ROCK2: variants seen among roughly 807,000 people sequenced by gnomAD.
ROCK2 encodes Rho associated coiled-coil containing protein kinase 2.
Under a neutral mutation model 195.1 loss-of-function variants are expected in ROCK2, and 61 were observed. The ratio of observed to expected loss-of-function variants is 0.31; its 90% CI spans 0.25 to 0.39. The LOEUF is 0.39. ROCK2 is among the 10% of genes least tolerant of loss of function. The pLI, the probability that ROCK2 is intolerant of heterozygous loss-of-function variation, is 1.00. For synonymous variants in ROCK2, 504 were observed against 545.5 expected (o/e 0.92, Z 1.06); for missense variants, 1,109 against 1,637.4 (o/e 0.68, Z 5.57).
chr2:11,224,202 T>C, intron 7 of ROCK2, 120 bp downstream of exon 7: 1 of 937,400 alleles, frequency 1.1e-6, no homozygotes, highest in Non-Finnish European at 1.6e-6. Context: ...AACCCAGAAT[T>C]AGATGCTACT....
chr2:11,276,096 C>CA (rs1666817394), intron 3 of ROCK2, among the ~76,000 whole-genome samples: 1 of 152,172 alleles, frequency 6.6e-6, no homozygotes, highest in African/African-American at 2.4e-5. Context: ...GTGAAACACC[C>CA]ACGTGAATAT....
At chr2:11,247,653 T>A (rs1242485622) in intron 4 of ROCK2, among the ~76,000 whole-genome samples, 1 of 152,238 alleles carries the variant, frequency 6.6e-6, no homozygotes, top group African/African-American at 2.4e-5. Context: ...GGCAATCCGC[T>A]ACTATGAAAG....
At chr2:11,271,071 G>A (rs923029293) in intron 3 of ROCK2, among the ~76,000 whole-genome samples, 1 of 152,142 alleles carries the variant, frequency 6.6e-6, no homozygotes, top group African/African-American at 2.4e-5. Context: ...CCTCTATACT[G>A]TGAACTTTAA....
At chr2:11,304,078 T>C (rs1463805415) in intron 1 of ROCK2, among the ~76,000 whole-genome samples, 1 of 152,192 alleles carries the variant, frequency 6.6e-6, no homozygotes, top group African/African-American at 2.4e-5. Context: ...TTGGGCCTCC[T>C]CTCTCAAATT....
chr2:11,256,466 C>T (rs745667806), intron 3 of ROCK2, among the ~76,000 whole-genome samples: 4 of 151,484 alleles, frequency 2.6e-5, no homozygotes, highest in South Asian at 2.1e-4. Flanking sequence ...GCTTCCTGTA[C>T]GGCCTGCAGA....
chr2:11,344,074 C>G lies in ROCK2; in HGVS notation c.63G>C (p.Gly21=). ...PGAPETAPGD[G]AGASRQRKLE... Reference sequence around the variant, plus strand: ...GCTTCCTCTGGCGGCTCGCGCCTGCCCCGTCCCCCGGCGCGGTCTCGGGGG... The same window carrying G: ...GCTTCCTCTGGCGGCTCGCGCCTGCGCCGTCCCCCGGCGCGGTCTCGGGGG... The change falls in exon 1 of 33, where the codon GGG becomes GGC. Residue 21 remains glycine, a synonymous_variant. Coordinates refer to ENST00000315872, the MANE Select transcript of ROCK2 (RefSeq NM_004850.5). This position sits in a 1 kb window ranked among gnomAD's most constrained non-coding sequence, Gnocchi z 5.4. The G allele has an allele frequency of 6.4e-7, 1 of 1,554,924 alleles. No individual in the cohort carries two copies. Among genetic ancestry groups the G allele is most frequent in the Non-Finnish European group, 8.7e-7 (1 of 1,155,636 alleles).
intron 6 of ROCK2, among the ~76,000 whole-genome samples, 180 bp downstream of exon 6, chr2:11,227,074 G>C (rs995549245): frequency 1.3e-5 from 2 of 151,796 alleles, no homozygotes; most frequent in African/African-American, 4.8e-5. Flanking sequence ...CCAGTATCAG[G>C]CTTGGTATTA....
At position 11,341,153 on chromosome 2, in the gene ROCK2, A is replaced by G. The variant is rs149102410; in HGVS notation, c.141+2843T>C. On this transcript the variant is annotated intron_variant, in intron 1 of 32. Transcript: ENST00000315872. ...AGCGGCTCACAATCTGCAACCATAA[A>G]AGAGATATACTCTTCTCAGATTAAT... is the stretch of plus-strand genomic sequence containing the variant. Among the ~76,000 whole-genome samples, 5 of 152,290 alleles carry G rather than the reference A, an allele frequency of 3.3e-5. No individual in the cohort carries two copies. In the East Asian group the frequency reaches 9.6e-4, roughly 29 times the overall value.
At chr2:11,188,196 C>T (rs1663271595) in intron 32 of ROCK2, among the ~76,000 whole-genome samples, 1 of 150,844 alleles carries the variant, frequency 6.6e-6, no homozygotes, top group Non-Finnish European at 1.5e-5. Flanking sequence ...CTGCAACCTC[C>T]ACCTCCTGGG....
chr2:11,343,997 A>G lies in ROCK2; in HGVS notation c.140T>C (p.Leu47Pro). 1 of 1,587,650 alleles carries G rather than the reference A, an allele frequency of 6.3e-7. No homozygotes were observed. ...AGCTCCCAGGCCCCGGCCACCTACC[A>G]GCAAGCTCTCCACGTTGATGGGGGA... ...PRSPINVESL[L>P]DGLNSLVLDL... The change falls in exon 1 of 33, where the codon CTG (leucine) becomes CCG (proline). Residue 47 changes from leucine (L) to proline (P), a missense_variant and splice_region_variant. By Grantham distance (98) the Leu-to-Pro change is moderately conservative. Transcript: ENST00000315872.
At position 11,200,996 on chromosome 2, in the gene ROCK2, G is replaced by C; in HGVS notation, c.2871C>G (p.His957Gln). The stretch of plus-strand genomic sequence containing the variant: ...CATCTTTTTCCGTAAGTTCCTGTTT[G>C]TGTCTAGCCATCATCTCTTTGATCT... ...ELEIKEMMAR[H>Q]KQELTEKDAT... The change falls in exon 23 of 33, where the codon CAC becomes CAG. Residue 957 changes from histidine to glutamine, a missense_variant. Physicochemically the swap from His to Gln is conservative, Grantham distance 24. Coordinates refer to ENST00000315872, the MANE Select transcript of ROCK2 (RefSeq NM_004850.5). 2 of 1,605,574 alleles carry C rather than the reference G, an allele frequency of 1.2e-6. No individual in the cohort carries two copies. The highest frequency in any genetic ancestry group is 1.1e-5 in the South Asian group (1 of 88,246).
At chr2:11,207,217 G>A (rs1337711217) in intron 20 of ROCK2, among the ~76,000 whole-genome samples, 3 of 152,154 alleles carry the variant, frequency 2.0e-5, no homozygotes, top group Non-Finnish European at 4.4e-5. Flanking sequence ...AGCTCCCCAA[G>A]TAGCTGGAAC....
At chr2:11,266,314 C>G (rs1360676285) in intron 3 of ROCK2, among the ~76,000 whole-genome samples, 1 of 152,136 alleles carries the variant, frequency 6.6e-6, no homozygotes, top group African/African-American at 2.4e-5. Flanking sequence ...GTTGGAACTA[C>G]GGCATTAAGA....
At chr2:11,288,687 G>C (rs561126129) in intron 1 of ROCK2, among the ~76,000 whole-genome samples, 3 of 140,216 alleles carry the variant, frequency 2.1e-5, no homozygotes, top group South Asian at 2.1e-4. Flanking sequence ...AGGGAAGCTA[G>C]AGGATTGCAG....
rs964583770 is a variant in ROCK2 at position 11,182,742 on chromosome 2, GATATA to G, written c.*690_*694del. 37 of 152,600 alleles carry G rather than the reference GATATA, an allele frequency of 2.4e-4. No individual in the cohort carries two copies. The highest frequency in any genetic ancestry group is 8.7e-4 in the African/African-American group (36 of 41,514). The allele number at this position is 152,600 out of a possible 1,614,324, so 9.5% of individuals were successfully genotyped here. ...GCCTATCATGAAGCATTAGGAAACT[GATATA>G]ATTAACTTTAAACTTCTTGTTACAG... is the stretch of plus-strand genomic sequence containing the variant. On this transcript the variant is annotated 3_prime_UTR_variant, in exon 33 of 33. Coordinates refer to ENST00000315872, the MANE Select transcript of ROCK2 (RefSeq NM_004850.5).
chr2:11,238,245 T>TGTGTGTGTGTGTGTGTGTGTTG (rs11377542), intron 4 of ROCK2, among the ~76,000 whole-genome samples: 2 of 38,430 alleles, frequency 5.2e-5, no homozygotes, highest in Non-Finnish European at 1.3e-4. Flanking sequence ...TGTGTGTCTG[T>TGTGTGTGTGTGTGTGTGTGTTG]TGTGTGTGTC....
chr2:11,211,832 G>T lies in ROCK2; in HGVS notation c.2052C>A (p.Ser684Arg). ...ERFTDLEKEK[S>R]NMEIDMTYQL... is the part of the protein sequence containing the mutation. ...GGTATGTCATATCTATTTCCATGTTGCTTTTTTCCTATTAAATATTTAAAA... is the reference window on the plus strand; with the variant it reads ...GGTATGTCATATCTATTTCCATGTTTCTTTTTTCCTATTAAATATTTAAAA... Residue 684 changes from serine to arginine, a missense_variant, in exon 18 of 33, where the codon AGC (serine) becomes AGA (arginine). This residue lies in a region of ROCK2 where 542 missense variants were observed against 672.0 expected (regional missense o/e 0.81). Coordinates refer to ENST00000315872, the MANE Select transcript of ROCK2 (RefSeq NM_004850.5). 6.3e-7 allele frequency: 1 copy of T among 1,575,598 alleles called. No homozygotes were observed. The highest frequency in any genetic ancestry group is 2.3e-5 in the East Asian group (1 of 44,440).
intron 1 of ROCK2, among the ~76,000 whole-genome samples, chr2:11,324,926 T>G (rs1351185913): frequency 6.6e-6 from 1 of 151,562 alleles, no homozygotes; most frequent in Non-Finnish European, 1.5e-5. Flanking sequence ...ATTACCATTT[T>G]TCCATTAGCC....
Position 11,183,298 on chromosome 2 carries a change from C to A in ROCK2, c.*139G>T. On this transcript the variant is annotated 3_prime_UTR_variant, in exon 33 of 33. Coordinates refer to ENST00000315872, the MANE Select transcript of ROCK2 (RefSeq NM_004850.5). ...ATTTATATTACAGGGAAAAGGGGAA[C>A]ACATATATGTATGAGTGTATGTATC... The A allele has an allele frequency of 1.7e-6, 1 of 572,312 alleles. No homozygotes were observed. Among genetic ancestry groups the A allele is most frequent in the Non-Finnish European group, 3.0e-6 (1 of 329,486 alleles). The allele number at this position is 572,312 out of a possible 1,614,324, so 35.5% of individuals were successfully genotyped here.
Sources: allele counts gnomAD v4.1 joint callset (sites outside exome capture counted in the v4.1 genomes callset), GRCh38; gene constraint gnomAD v4.1.1; regional missense constraint gnomAD v4.1.1; non-coding constraint Gnocchi (gnomAD v3.1); transcripts MANE v1.5; gene names NCBI Gene and HGNC (gene_info 2026-07-23, HGNC 2026-07-21).